Variants in TBCA observed in about 807,000 individuals in gnomAD.
TBCA encodes the protein tubulin folding cofactor A, also known as tubulin-specific chaperone A.
A neutral mutation model predicts 15.8 loss-of-function variants in TBCA; 6 were observed. The observed-to-expected ratio is 0.38, with a 90% confidence interval of 0.21 to 0.75. TBCA has a LOEUF of 0.75. TBCA is among the 30% of genes least tolerant of loss of function. TBCA has a pLI of 0.46. For missense variants in TBCA, 90 were observed against 131.2 expected (o/e 0.69, Z 1.53); for synonymous variants, 32 against 42.3 (o/e 0.76, Z 0.94).
At chr5:77,776,130 T>C in intron 1 of TBCA, 75 bp downstream of exon 1, 1 of 1,536,506 alleles carries the variant, frequency 6.5e-7, no homozygotes, top group Admixed American at 2.0e-5. Context: ...TCCTCGGGCC[T>C]GCGCTCCGCT....
intron 1 of TBCA, among the ~76,000 whole-genome samples, chr5:77,749,030 T>C (rs1482122872): frequency 6.6e-6 from 1 of 152,196 alleles, no homozygotes. Flanking sequence ...GCAATTCAAC[T>C]TTTTCTTGTA....
At chr5:77,717,667 TA>T (rs1011254622) in intron 1 of TBCA, among the ~76,000 whole-genome samples, 1 of 151,272 alleles carries the variant, frequency 6.6e-6, no homozygotes, top group African/African-American at 2.4e-5. Context: ...CCGTCTCTAG[TA>T]AAAATATAAA....
intron 1 of TBCA, among the ~76,000 whole-genome samples, chr5:77,762,056 G>C (rs1747656166): frequency 6.6e-6 from 1 of 152,170 alleles, no homozygotes; most frequent in African/African-American, 2.4e-5. Flanking sequence ...AGCTGCTGTA[G>C]GTGAGGCACT....
At chr5:77,731,299 A>C (rs970567462) in intron 1 of TBCA, among the ~76,000 whole-genome samples, 1 of 152,206 alleles carries the variant, frequency 6.6e-6, no homozygotes, top group Non-Finnish European at 1.5e-5. Flanking sequence ...TATAGTTATT[A>C]TCTAGAGCTA....
chr5:77,756,967 G>C (rs1390604866), intron 1 of TBCA, among the ~76,000 whole-genome samples: 1 of 152,206 alleles, frequency 6.6e-6, no homozygotes, highest in Non-Finnish European at 1.5e-5. Context: ...AAAGGGGTAA[G>C]GAGCAATAGA....
intron 1 of TBCA, among the ~76,000 whole-genome samples, chr5:77,725,009 T>G (rs1746600825): frequency 6.6e-6 from 1 of 152,044 alleles, no homozygotes; most frequent in Non-Finnish European, 1.5e-5. Flanking sequence ...CAACCTTTTC[T>G]TTCTTCCATA....
At chr5:77,699,496 T>C (rs956379037) in intron 2 of TBCA, among the ~76,000 whole-genome samples, 2 of 152,142 alleles carry the variant, frequency 1.3e-5, no homozygotes, top group African/African-American at 4.8e-5. Context: ...AGACAGCCTT[T>C]TCAACAAATG....
intron 3 of TBCA, chr5:77,692,486 C>T (rs1745774867): frequency 1.1e-6 from 1 of 930,152 alleles, no homozygotes; most frequent in South Asian, 5.0e-5. Context: ...CAGGATTTCA[C>T]CATGTTGGTC....
intron 2 of TBCA, among the ~76,000 whole-genome samples, chr5:77,700,120 G>A (rs755959996): frequency 5.9e-5 from 9 of 151,518 alleles, no homozygotes; most frequent in African/African-American, 1.7e-4. Flanking sequence ...TGGAAGGATC[G>A]TTTCAACCCA....
intron 1 of TBCA, among the ~76,000 whole-genome samples, chr5:77,775,150 A>G (rs955772676): frequency 4.6e-5 from 7 of 152,034 alleles, no homozygotes; most frequent in African/African-American, 1.7e-4. Flanking sequence ...ACTCAAAGTC[A>G]CCCCTCTACC....
chr5:77,753,679 T>A (rs990808560), intron 1 of TBCA, among the ~76,000 whole-genome samples: 2 of 152,220 alleles, frequency 1.3e-5, no homozygotes, highest in African/African-American at 4.8e-5. Context: ...ATTATTTAAT[T>A]CTGTATTAGG....
At chr5:77,738,041 G>T (rs771505821) in intron 1 of TBCA, among the ~76,000 whole-genome samples, 4 of 152,104 alleles carry the variant, frequency 2.6e-5, no homozygotes, top group Admixed American at 6.5e-5. Context: ...CAGCCTTAAG[G>T]ATATTACCTC....
intron 1 of TBCA, among the ~76,000 whole-genome samples, chr5:77,720,187 G>C (rs761095741): frequency 6.6e-6 from 1 of 152,036 alleles, no homozygotes; most frequent in South Asian, 2.1e-4. Context: ...TTGCGGTATC[G>C]TTCACTAGAA....
intron 1 of TBCA, among the ~76,000 whole-genome samples, chr5:77,730,636 A>G (rs778147867): frequency 8.1e-6 from 1 of 123,386 alleles, no homozygotes; most frequent in Non-Finnish European, 1.9e-5. Flanking sequence ...TGTTGTTACT[A>G]GGATGGCACA....
intron 1 of TBCA, among the ~76,000 whole-genome samples, chr5:77,767,543 C>G (rs1747808808): frequency 6.6e-6 from 1 of 152,214 alleles, no homozygotes; most frequent in South Asian, 2.1e-4. Context: ...AAAAGCAAAA[C>G]TGGCCTTGCC....
At chr5:77,724,538 TTA>T (rs1328738618) in intron 1 of TBCA, among the ~76,000 whole-genome samples, 1 of 152,086 alleles carries the variant, frequency 6.6e-6, no homozygotes, top group African/African-American at 2.4e-5. Flanking sequence ...ATCAAGTACT[TTA>T]TATAGTTATG....
chr5:77,715,414 T>A (rs1050197870), intron 1 of TBCA: 1 of 606,782 alleles, frequency 1.6e-6, no homozygotes, highest in African/African-American at 1.8e-5. Flanking sequence ...TATGAAAACA[T>A]CTTTAAGAAG....
intron 1 of TBCA, among the ~76,000 whole-genome samples, chr5:77,747,367 A>G (rs1411463039): frequency 6.6e-6 from 1 of 152,138 alleles, no homozygotes; most frequent in African/African-American, 2.4e-5. Context: ...TAATTACAAT[A>G]ATCAAAACGT....
intron 1 of TBCA, among the ~76,000 whole-genome samples, chr5:77,770,617 G>A (rs920918647): frequency 6.6e-6 from 1 of 151,992 alleles, no homozygotes; most frequent in Non-Finnish European, 1.5e-5. Context: ...CTGTGCTGGG[G>A]GAAAAAACTG....
Sources: gnomAD v4.1 joint callset for allele counts (sites outside exome capture counted in the v4.1 genomes callset) on GRCh38, gnomAD v4.1.1 for gene constraint, MANE v1.5 for transcripts, NCBI Gene and HGNC (gene_info 2026-07-23, HGNC 2026-07-21) for gene names.